SEMA3A: variants seen among roughly 807,000 people sequenced by gnomAD.
SEMA3A encodes semaphorin 3A.
Under a neutral mutation model 97.9 loss-of-function variants are expected in SEMA3A, and 29 were observed. The observed-to-expected ratio is 0.30, with a 90% CI of 0.22 to 0.40. SEMA3A has a LOEUF of 0.40. Ranked by LOEUF, SEMA3A falls within the 10% of genes least tolerant of loss-of-function variation. The pLI is 1.00. For missense variants in SEMA3A, 763 were observed against 951.3 expected, an observed-to-expected ratio of 0.80 and a Z score of 2.60; for synonymous variants, 321 against 323.7, an observed-to-expected ratio of 0.99 and a Z score of 0.09.
rs1803336941 is a variant in SEMA3A, at chr7:84,384,050, T to G, written c.-245-12150A>C. On this transcript the variant is annotated intron_variant, in intron 1 of 3. Transcript: ENST00000424555. ...ACCTCATTAATCATTTGTTGGATGG[T>G]ACTTCTAGGACACGACTGTCTCAAT... is the stretch of plus-strand genomic sequence containing the variant. 2.0e-5 allele frequency among the ~76,000 whole-genome samples: 3 copies of G among 152,182 alleles called. No individual in the cohort carries two copies. In the South Asian group the frequency reaches 6.2e-4, roughly 32 times the overall value.
chr7:84,306,890 C>T (rs1169675003), intron 3 of SEMA3A, among the ~76,000 whole-genome samples: 1 of 151,982 alleles, frequency 6.6e-6, no homozygotes, highest in Non-Finnish European at 1.5e-5. Context: ...GCTATCTCTG[C>T]TCTGTGGCTC....
chr7:84,037,146 GT>G (rs936312136), intron 6 of SEMA3A, among the ~76,000 whole-genome samples: 1 of 142,712 alleles, frequency 7.0e-6, no homozygotes, highest in Non-Finnish European at 1.5e-5. Flanking sequence ...AAACAGCTAA[GT>G]TTTTTTTCTT....
At chr7:84,025,431 T>C (rs1325969845) in intron 6 of SEMA3A, among the ~76,000 whole-genome samples, 1 of 152,066 alleles carries the variant, frequency 6.6e-6, no homozygotes, top group Non-Finnish European at 1.5e-5. Context: ...AAAGAATCAA[T>C]AGACCATGAA....
chr7:84,384,940 G>A (rs2116153844), intron 1 of SEMA3A, among the ~76,000 whole-genome samples: 1 of 152,238 alleles, frequency 6.6e-6, no homozygotes, highest in Non-Finnish European at 1.5e-5. Context: ...GATTAATCCA[G>A]TCCCATCTCC....
chr7:84,158,029 T>A (rs17158680), intron 1 of SEMA3A, among the ~76,000 whole-genome samples: 1 of 152,048 alleles, frequency 6.6e-6, no homozygotes, highest in African/African-American at 2.4e-5. Flanking sequence ...TAGAGATAAG[T>A]TTCTTTTCTG....
At chr7:84,484,570 CAG>C (rs1491330401) in intron 1 of SEMA3A, among the ~76,000 whole-genome samples, 89 of 143,294 alleles carry the variant, frequency 6.2e-4, no homozygotes, top group Admixed American at 1.1e-3. Context: ...CACACACACA[CAG>C]AGAGCAAGTT....
chr7:84,025,496 A>G (rs1424197762), intron 6 of SEMA3A, among the ~76,000 whole-genome samples: 1 of 152,190 alleles, frequency 6.6e-6, no homozygotes, highest in African/African-American at 2.4e-5. Context: ...GTCATCTCAC[A>G]TTCTTAGCTA....
chr7:84,179,733 T>A (rs2116231265), intron 1 of SEMA3A, among the ~76,000 whole-genome samples: 1 of 152,110 alleles, frequency 6.6e-6, no homozygotes, highest in African/African-American at 2.4e-5. Context: ...CATTTGAAAT[T>A]GATTTAAAAG....
chr7:84,426,277 C>CAGATAGATAGATAGAT (rs1554384465), intron 1 of SEMA3A, among the ~76,000 whole-genome samples: 296 of 133,114 alleles, frequency 2.2e-3, no homozygotes, highest in South Asian at 5.7e-3. Flanking sequence ...GATATATAGA[C>CAGATAGATAGATAGAT]AGATAGATAG....
intron 1 of SEMA3A, among the ~76,000 whole-genome samples, chr7:84,445,408 G>A (rs1245209943): frequency 7.2e-6 from 1 of 139,536 alleles, no homozygotes; most frequent in African/African-American, 2.7e-5. Context: ...GCAGAAGAAT[G>A]GCATGAACCC....
intron 1 of SEMA3A, among the ~76,000 whole-genome samples, chr7:84,137,088 ACATAATATCTAAATTGAAATGG>A (rs1796153607): frequency 6.6e-6 from 1 of 152,094 alleles, no homozygotes; most frequent in South Asian, 2.1e-4. Flanking sequence ...AAAATCCACT[ACATAATATCTAAATTGAAATGG>A]CATTTATTGG....
chr7:84,163,986 C>T (rs1443104842), intron 1 of SEMA3A, among the ~76,000 whole-genome samples: 1 of 151,952 alleles, frequency 6.6e-6, no homozygotes, highest in Non-Finnish European at 1.5e-5. Context: ...GCTGGGATTA[C>T]AGGCATGTGC....
intron 6 of SEMA3A, among the ~76,000 whole-genome samples, chr7:84,024,216 T>C (rs370139306): frequency 6.6e-6 from 1 of 151,964 alleles, no homozygotes; most frequent in East Asian, 1.9e-4. Flanking sequence ...GAAATTAGGC[T>C]TCTCCCAGTC....
intron 1 of SEMA3A, among the ~76,000 whole-genome samples, chr7:84,139,562 A>T (rs1427043619): frequency 2.0e-5 from 3 of 152,110 alleles, no homozygotes; most frequent in Admixed American, 2.0e-4. Context: ...ACAGACATGC[A>T]GTTTGTGCTC....
At chr7:84,162,366 A>C (rs2116169618) in intron 1 of SEMA3A, among the ~76,000 whole-genome samples, 1 of 152,278 alleles carries the variant, frequency 6.6e-6, no homozygotes, top group East Asian at 1.9e-4. Flanking sequence ...TGGGGAGAGA[A>C]GAGAAAAGCA....
At chr7:84,175,198 G>A (rs1466201283) in intron 1 of SEMA3A, among the ~76,000 whole-genome samples, 1 of 152,048 alleles carries the variant, frequency 6.6e-6, no homozygotes, top group Admixed American at 6.6e-5. Flanking sequence ...TCTGTAAAAT[G>A]ATAGAAAATG....
chr7:84,486,826 T>C (rs1338880963), intron 1 of SEMA3A, among the ~76,000 whole-genome samples: 2 of 152,124 alleles, frequency 1.3e-5, no homozygotes, highest in Non-Finnish European at 2.9e-5. Flanking sequence ...TGACCAAAAA[T>C]ATTATTTGTC....
At chr7:84,462,824 C>T (rs142410068) in intron 1 of SEMA3A, among the ~76,000 whole-genome samples, 3 of 151,892 alleles carry the variant, frequency 2.0e-5, no homozygotes, top group Non-Finnish European at 4.4e-5. Context: ...GATAGACAGA[C>T]AGATAGATAG....
intron 1 of SEMA3A, among the ~76,000 whole-genome samples, chr7:84,432,188 A>C (rs2116321106): frequency 6.6e-6 from 1 of 152,224 alleles, no homozygotes; most frequent in South Asian, 2.1e-4. Context: ...AAATGACAAA[A>C]GCCATTGAAT....
Sources: allele counts gnomAD v4.1 joint callset (sites outside exome capture counted in the v4.1 genomes callset), GRCh38; gene constraint gnomAD v4.1.1; transcripts MANE v1.5; gene names NCBI Gene and HGNC (gene_info 2026-07-23, HGNC 2026-07-21).